Variants in OLAH observed in about 807,000 individuals in gnomAD.
The protein encoded by OLAH is oleoyl-ACP hydrolase.
In OLAH, 33 loss-of-function variants were observed where a neutral mutation model predicts 27.8. The observed-to-expected ratio is 1.19, with a 90% CI of 0.90 to 1.59. The LOEUF is 1.59. OLAH is among the 40% of genes most tolerant of loss of function. OLAH has a pLI of 0.00. For missense variants in OLAH, 359 were observed against 310.8 expected (o/e 1.16, Z -1.17); for synonymous variants, 120 against 102.9 (o/e 1.17, Z -1.01).
chr10:15,042,941 A>G (rs1465415048), upstream of OLAH, among the ~76,000 whole-genome samples: 2 of 141,152 alleles, frequency 1.4e-5, no homozygotes, highest in African/African-American at 5.4e-5. Flanking sequence ...GCTCACTGCA[A>G]GCTCCGCCTC....
chr10:15,047,580 T>C (rs1013409284), intron 2 of OLAH, among the ~76,000 whole-genome samples: 2 of 151,814 alleles, frequency 1.3e-5, no homozygotes, highest in African/African-American at 4.8e-5. Flanking sequence ...CTCAGGGTGG[T>C]GGTAATCCCA....
intron 6 of OLAH, chr10:15,068,063 A>G (rs1049010768): frequency 6.6e-6 from 1 of 152,154 alleles, no homozygotes; most frequent in East Asian, 1.9e-4. Flanking sequence ...TTCAGTGTGA[A>G]TAATTTCCTC....
intron 1 of OLAH, among the ~76,000 whole-genome samples, chr10:15,046,561 G>A (rs1212473276): frequency 1.3e-5 from 2 of 151,790 alleles, no homozygotes; most frequent in Admixed American, 6.6e-5. Flanking sequence ...TTCATCTCCC[G>A]GGTTCAAGCG....
chr10:15,061,667 C>T (rs1394917072), intron 3 of OLAH, 57 bp from the exon 4 acceptor site: 3 of 1,433,428 alleles, frequency 2.1e-6, no homozygotes, highest in Non-Finnish European at 2.8e-6. Context: ...CCTTTTATAA[C>T]ATCACAATAT....
chr10:15,033,182 A>G (rs1278747900), intron 1 of OLAH, among the ~76,000 whole-genome samples: 1 of 152,056 alleles, frequency 6.6e-6, no homozygotes, highest in Non-Finnish European at 1.5e-5. Flanking sequence ...CTACCAGTGA[A>G]AAGTATTTAA....
intron 1 of OLAH, among the ~76,000 whole-genome samples, chr10:15,034,770 T>A (rs9664013): frequency 1.3e-5 from 2 of 151,024 alleles, no homozygotes; most frequent in African/African-American, 2.4e-5. Flanking sequence ...AAGACTGTAC[T>A]GCAGACAGTT....
At chr10:15,049,493 T>C (rs1476780472) in intron 2 of OLAH, 142 bp from the exon 3 acceptor site, 1 of 519,352 alleles carries the variant, frequency 1.9e-6, no homozygotes, top group East Asian at 3.8e-5. Flanking sequence ...TGCCCTTTCT[T>C]ATTGGAAAAA....
intron 6 of OLAH, among the ~76,000 whole-genome samples, chr10:15,068,439 C>A (rs777599164): frequency 6.6e-6 from 1 of 152,168 alleles, no homozygotes; most frequent in Non-Finnish European, 1.5e-5. Flanking sequence ...ATTGCCCAGG[C>A]TCGAGTGCAA....
intron 1 of OLAH, among the ~76,000 whole-genome samples, chr10:15,046,437 C>G (rs946802499): frequency 6.6e-6 from 1 of 151,996 alleles, no homozygotes; most frequent in Admixed American, 6.6e-5. Flanking sequence ...AGCAGTGAAG[C>G]CTTTTTTTAG....
At chr10:15,057,271 T>C (rs898484598) in intron 3 of OLAH, among the ~76,000 whole-genome samples, 1 of 152,192 alleles carries the variant, frequency 6.6e-6, no homozygotes, top group African/African-American at 2.4e-5. Flanking sequence ...AGTTTACTTA[T>C]ACCACATGAA....
chr10:15,072,751 T>A (rs1276039994), intron 7 of OLAH, among the ~76,000 whole-genome samples: 2 of 151,698 alleles, frequency 1.3e-5, no homozygotes, highest in African/African-American at 2.4e-5. Flanking sequence ...GCCGTCATCT[T>A]CCTGGCCAGA....
chr10:15,038,452 C>G (rs1323726045), intron 1 of OLAH, among the ~76,000 whole-genome samples: 1 of 152,144 alleles, frequency 6.6e-6, no homozygotes, highest in Non-Finnish European at 1.5e-5. Context: ...GTAACTCCCA[C>G]AATTCCCACG....
chr10:15,040,057 C>T (rs1180306838), upstream of OLAH, among the ~76,000 whole-genome samples: 5 of 152,182 alleles, frequency 3.3e-5, no homozygotes, highest in Non-Finnish European at 4.4e-5. Flanking sequence ...AGCCATCACA[C>T]ACTTTCCCCA....
In OLAH at chr10:15,057,921, T is replaced by C. The variant is rs149734053; in HGVS notation, c.164-3803T>C. Among the ~76,000 whole-genome samples the C allele has an allele frequency of 4.8e-3, 727 of 152,344 alleles. 5 individuals carry two copies. Among genetic ancestry groups the C allele is most frequent in the African/African-American group, 0.017 (701 of 41,582 alleles). Reference sequence around the variant, plus strand: ...TATACTATCTTGATTACTGTGGCCTTATAATAAGCCTTAGATATCCAGTAG... The same window carrying C: ...TATACTATCTTGATTACTGTGGCCTCATAATAAGCCTTAGATATCCAGTAG... On this transcript the variant is annotated intron_variant, in intron 3 of 7. Transcript: ENST00000378228.
At chr10:15,043,790 C>G (rs1843964167), upstream of OLAH, 1 of 152,108 alleles carries the variant, frequency 6.6e-6, no homozygotes, top group Non-Finnish European at 1.5e-5. Flanking sequence ...TAGTTAACTT[C>G]TTTTATTTTC....
At position 15,047,205 on chromosome 10, in the gene OLAH, G is replaced by A. The variant is rs1009277023; in HGVS notation, c.-84G>A. Reference sequence around the variant, plus strand: ...TCTGTGTGCATAAGGCCGAGCAGAGGTTCTTCGTCTCAAGAGGAACTGACT... The same window carrying A: ...TCTGTGTGCATAAGGCCGAGCAGAGATTCTTCGTCTCAAGAGGAACTGACT... On this transcript the variant is annotated 5_prime_UTR_variant, in exon 2 of 8. Transcript: ENST00000378228. 1 of 1,423,946 alleles carries A rather than the reference G, an allele frequency of 7.0e-7. No homozygotes were observed. Among genetic ancestry groups the A allele is most frequent in the Non-Finnish European group, 9.7e-7 (1 of 1,027,666 alleles). 88.2% of individuals were successfully genotyped at this position (1,423,946 alleles called of 1,614,324 possible).
chr10:15,069,538 T>C (rs1386623494), intron 6 of OLAH, among the ~76,000 whole-genome samples: 1 of 152,102 alleles, frequency 6.6e-6, no homozygotes, highest in Non-Finnish European at 1.5e-5. Context: ...TCACTCCTAA[T>C]TGTTCTCGTC....
Position 15,049,704 on chromosome 10 carries a change from G to C in OLAH, c.102G>C (p.Trp34Cys), listed in dbSNP as rs1253677691. The C allele has an allele frequency of 6.2e-7, 1 of 1,610,662 alleles. No homozygotes were observed. Among genetic ancestry groups the C allele is most frequent in the South Asian group, 1.1e-5 (1 of 90,148 alleles). ...CTTTTAAGCTGATTTGCTTTCCCTG[G>C]ATGGGAGGTGGCTCCACTCATTTTG... ...EATFKLICFP[W>C]MGGGSTHFAK... The change falls in exon 3 of 8, where the codon TGG (tryptophan) becomes TGC (cysteine). Residue 34 changes from tryptophan to cysteine, a missense_variant. Transcript: ENST00000378228.
At chr10:15,058,619 G>GT (rs1176570475) in intron 3 of OLAH, among the ~76,000 whole-genome samples, 2 of 152,030 alleles carry the variant, frequency 1.3e-5, no homozygotes, top group Non-Finnish European at 2.9e-5. Flanking sequence ...TTCTGAGTTT[G>GT]TGGGGGGGAA....
Sources: gnomAD v4.1 joint callset for allele counts (sites outside exome capture counted in the v4.1 genomes callset) on GRCh38, gnomAD v4.1.1 for gene constraint, MANE v1.5 for transcripts, NCBI Gene and HGNC (gene_info 2026-07-23, HGNC 2026-07-21) for gene names.